The following SBNO1 variants were observed in gnomAD, a reference collection of about 807,000 sequenced individuals.
SBNO1 encodes the protein strawberry notch homolog 1, also known as protein strawberry notch homolog 1.
SBNO1 carries 23 observed loss-of-function variants against 173.6 expected under a neutral mutation model. The observed-to-expected ratio is 0.13, with a 90% CI of 0.10 to 0.19. SBNO1 has a LOEUF of 0.19. Ranked by LOEUF, SBNO1 falls within the 10% of genes least tolerant of loss-of-function variation. The probability of loss-of-function intolerance (pLI) is 1.00; values close to 1 mark genes in which losing one functional copy is unlikely to be tolerated. For missense variants in SBNO1, 1,238 were observed against 1,671.2 expected (o/e 0.74, Z 4.52); for synonymous variants, 632 against 571.5 (o/e 1.11, Z -1.51).
chr12:123,338,331 T>C (rs534177403), intron 5 of SBNO1, among the ~76,000 whole-genome samples: 7 of 151,962 alleles, frequency 4.6e-5, no homozygotes, highest in Admixed American at 3.9e-4. Context: ...GGTGGGCGGA[T>C]CACCTGAGGT....
intron 31 of SBNO1, among the ~76,000 whole-genome samples, chr12:123,297,109 C>A (rs537734381): frequency 5.4e-4 from 82 of 150,982 alleles, no homozygotes; most frequent in African/African-American, 1.8e-3. Flanking sequence ...CCTATAATCC[C>A]AGCACTTTGG....
At chr12:123,328,137 A>C in intron 10 of SBNO1, 110 bp from the exon 11 acceptor site, 1 of 790,310 alleles carries the variant, frequency 1.3e-6, no homozygotes, top group Non-Finnish European at 2.0e-6. Context: ...TGCCTATTTC[A>C]TGACTGCAAA....
At position 123,328,042 on chromosome 12, in the gene SBNO1, T is replaced by G. The variant is rs1228770522; in HGVS notation, c.1297-15A>C. 4 of 1,587,976 alleles carry G rather than the reference T, an allele frequency of 2.5e-6. No individual in the cohort carries two copies. Among genetic ancestry groups the G allele is most frequent in the Non-Finnish European group, 3.4e-6 (4 of 1,162,680 alleles). ...TCAAACACTATCTAAATGGAATGAGTTAAGGAATGTATCACATTAGTATTA... is the reference window on the plus strand; with the variant it reads ...TCAAACACTATCTAAATGGAATGAGGTAAGGAATGTATCACATTAGTATTA... On this transcript the variant is annotated splice_polypyrimidine_tract_variant and intron_variant, in intron 10 of 31. Transcript: ENST00000602398.
intron 5 of SBNO1, among the ~76,000 whole-genome samples, chr12:123,339,613 C>T (rs1195020518): frequency 3.3e-5 from 5 of 151,992 alleles, no homozygotes; most frequent in Non-Finnish European, 7.4e-5. Flanking sequence ...GTGGTAAAAC[C>T]CCGTCTCTAC....
chr12:123,304,257 G>A (rs1258077879), intron 29 of SBNO1, among the ~76,000 whole-genome samples: 4 of 151,432 alleles, frequency 2.6e-5, no homozygotes, highest in South Asian at 2.1e-4. Context: ...TTTTTGAGAC[G>A]AAGTTTCGCG....
intron 1 of SBNO1, among the ~76,000 whole-genome samples, chr12:123,356,421 T>G (rs886528309): frequency 1.4e-4 from 21 of 152,168 alleles, no homozygotes; most frequent in African/African-American, 3.9e-4. Context: ...ATAATTAACT[T>G]TCATACTAGT....
At position 123,306,236 on chromosome 12, in the gene SBNO1, C is replaced by A. The variant is rs138323775; in HGVS notation, c.3631-1517G>T. ...AGAGGATAGTGTTTAAGACACTTAA[C>A]AATGGGCTCTGTCTTGACAGTGTCA... On this transcript the variant is annotated intron_variant, in intron 28 of 31. Transcript: ENST00000602398. Among the ~76,000 whole-genome samples the A allele has an allele frequency of 5.0e-3, 761 of 152,316 alleles. 6 individuals are homozygous for A. Among genetic ancestry groups the A allele is most frequent in the South Asian group, 0.04 (192 of 4,830 alleles).
At chr12:123,349,963 A>G (rs556885146) in intron 2 of SBNO1, among the ~76,000 whole-genome samples, 2 of 152,184 alleles carry the variant, frequency 1.3e-5, no homozygotes, top group South Asian at 2.1e-4. Context: ...CTTCACATGT[A>G]TATTTAAAAT....
At chr12:123,346,260 A>G (rs996769399) in intron 3 of SBNO1, among the ~76,000 whole-genome samples, 1 of 152,132 alleles carries the variant, frequency 6.6e-6, no homozygotes, top group Middle Eastern at 3.2e-3. Context: ...TCCCCAAAAG[A>G]CTAGTAACAG....
rs769784521 is a variant in SBNO1, at chr12:123,327,435, A to G, written c.1683T>C (p.Ala561=). 3 of 1,609,714 alleles carry G rather than the reference A, an allele frequency of 1.9e-6. No individual in the cohort carries two copies. In the East Asian group the frequency reaches 6.7e-5, roughly 36 times the overall value. ...AAGAAAAATTCCTCACCAGCTTGAC[A>G]GCTTTGTTATACATTTTAACGTAGC... ...SQSYVKMYNK[A]VKLWVIARER... is the part of the protein sequence containing the mutation. The change falls in exon 13 of 32, where the codon GCT becomes GCC. Residue 561 remains alanine, a synonymous_variant. Coordinates refer to ENST00000602398, the MANE Select transcript of SBNO1 (RefSeq NM_001167856.3).
intron 1 of SBNO1, among the ~76,000 whole-genome samples, chr12:123,351,369 GGCT>G (rs1420326162): frequency 6.6e-6 from 1 of 152,164 alleles, no homozygotes; most frequent in Non-Finnish European, 1.5e-5. Flanking sequence ...TGGGCACTGT[GGCT>G]CAAGTCTGTA....
chr12:123,304,303 T>C (rs1393187072), intron 29 of SBNO1, among the ~76,000 whole-genome samples: 1 of 152,172 alleles, frequency 6.6e-6, no homozygotes, highest in Non-Finnish European at 1.5e-5. Flanking sequence ...AGCGTGATCT[T>C]GGCTCACTGC....
intron 28 of SBNO1, 23 bp from the exon 29 acceptor site, chr12:123,304,742 T>G: frequency 7.2e-7 from 1 of 1,397,780 alleles, no homozygotes; most frequent in Non-Finnish European, 9.9e-7. Context: ...AATGACAAAA[T>G]ATAAAGATTT....
At chr12:123,364,523 C>A (rs543977805) in intron 1 of SBNO1, 178 bp downstream of exon 1, 18 of 983,360 alleles carry the variant, frequency 1.8e-5, no homozygotes, top group South Asian at 4.7e-5. Flanking sequence ...CGGGAACATG[C>A]CCCCGAGGGC....
At chr12:123,329,493 AT>A (rs1870957800) in intron 9 of SBNO1, among the ~76,000 whole-genome samples, 1 of 151,914 alleles carries the variant, frequency 6.6e-6, no homozygotes, top group Non-Finnish European at 1.5e-5. Context: ...ATTTACAAAC[AT>A]TTATTGTGCA....
chr12:123,359,923 T>C (rs1408275102), intron 1 of SBNO1, among the ~76,000 whole-genome samples: 1 of 152,140 alleles, frequency 6.6e-6, no homozygotes, highest in African/African-American at 2.4e-5. Context: ...TAATTGGTAT[T>C]TAATGCTAAA....
intron 20 of SBNO1, among the ~76,000 whole-genome samples, chr12:123,317,727 G>T (rs1413911352): frequency 3.9e-5 from 6 of 152,152 alleles, no homozygotes; most frequent in Admixed American, 2.0e-4. Flanking sequence ...AAGATGCCTG[G>T]ACTTCAAGAG....
Position 123,357,744 on chromosome 12 carries a change from C to T in SBNO1, c.-1+6957G>A, listed in dbSNP as rs115059852. Among the ~76,000 whole-genome samples, 555 of 152,260 alleles carry T rather than the reference C, an allele frequency of 3.6e-3. 4 individuals carry two copies. Among genetic ancestry groups the T allele is most frequent in the African/African-American group, 0.013 (532 of 41,560 alleles). ...CACTCCAACCTGGCGAAAGAGGAGA[C>T]TCCATCTCAGAAACAAACAAAACAA... On this transcript the variant is annotated intron_variant, in intron 1 of 31. Transcript: ENST00000602398.
intron 4 of SBNO1, among the ~76,000 whole-genome samples, chr12:123,343,451 T>C (rs1291734252): frequency 6.6e-6 from 1 of 151,864 alleles, no homozygotes; most frequent in Non-Finnish European, 1.5e-5. Flanking sequence ...TGCAGTTTCA[T>C]ATTTTCAATG....
Sources: allele counts gnomAD v4.1 joint callset (sites outside exome capture counted in the v4.1 genomes callset), GRCh38; gene constraint gnomAD v4.1.1; transcripts MANE v1.5; gene names NCBI Gene and HGNC (gene_info 2026-07-23, HGNC 2026-07-21).